Variants in RPA3 observed in about 807,000 individuals in gnomAD.
RPA3 encodes replication protein A 14 kDa subunit.
RPA3 carries 24 observed loss-of-function variants against 13.7 expected under a neutral mutation model. The observed-to-expected ratio is 1.75, with a 90% confidence interval of 1.27 to 2.46. The LOEUF is 2.46. RPA3 is among the 30% of genes most tolerant of loss of function. The pLI is 0.00. For missense variants in RPA3, 183 were observed against 151.0 expected, an observed-to-expected ratio of 1.21 and a Z score of -1.11; for synonymous variants, 59 against 51.2, an observed-to-expected ratio of 1.15 and a Z score of -0.65.
chr7:7,648,855 AAAAG>A (rs1257532129), intron 4 of RPA3, among the ~76,000 whole-genome samples: 2 of 150,998 alleles, frequency 1.3e-5, no homozygotes, highest in African/African-American at 4.9e-5. Context: ...CCTGTCTCAA[AAAAG>A]AAAGAAAGAA....
chr7:7,684,833 A>AT (rs1780002812), intron 4 of RPA3, among the ~76,000 whole-genome samples: 1 of 152,342 alleles, frequency 6.6e-6, no homozygotes, highest in South Asian at 2.1e-4. Context: ...CCATGTTTTA[A>AT]TACAACTATT....
intron 1 of RPA3, among the ~76,000 whole-genome samples, chr7:7,718,074 A>G (rs187197165): frequency 1.3e-4 from 20 of 152,348 alleles, no homozygotes; most frequent in African/African-American, 4.6e-4. Flanking sequence ...GTGATATACC[A>G]TTCACTTATT....
At chr7:7,647,419 A>G (rs1196056094) in intron 4 of RPA3, among the ~76,000 whole-genome samples, 1 of 152,104 alleles carries the variant, frequency 6.6e-6, no homozygotes, top group Non-Finnish European at 1.5e-5. Flanking sequence ...AACATGGACA[A>G]TTTTTCATGT....
chr7:7,688,113 T>C (rs1342576437), intron 2 of RPA3, among the ~76,000 whole-genome samples: 3 of 152,210 alleles, frequency 2.0e-5, no homozygotes, highest in African/African-American at 7.2e-5. Flanking sequence ...CTTCTGACAC[T>C]ACATGTAAAA....
intron 4 of RPA3, among the ~76,000 whole-genome samples, chr7:7,650,668 T>C (rs1400114860): frequency 6.6e-6 from 1 of 152,214 alleles, no homozygotes; most frequent in African/African-American, 2.4e-5. Flanking sequence ...TTTAAGCTGG[T>C]TAAAGTGGCA....
At position 7,640,742 on chromosome 7, in the gene RPA3, T is replaced by C. The variant is rs1563073421; in HGVS notation, c.-324A>G. The C allele has an allele frequency of 7.4e-6, 2 of 271,304 alleles. No homozygotes were observed. The highest frequency in any genetic ancestry group is 1.4e-5 in the Non-Finnish European group (2 of 140,502). The allele number at this position is 271,304 out of a possible 1,614,324, so 16.8% of individuals were successfully genotyped here. On this transcript the variant is annotated 5_prime_UTR_variant, in exon 5 of 8. Transcript: ENST00000223129. ...GACTACCTTTCTGCGATCACAGGAT[T>C]CCCGGCGGTGACTTGACCCCGGAAG... is the stretch of plus-strand genomic sequence containing the variant.
intron 2 of RPA3, among the ~76,000 whole-genome samples, chr7:7,688,456 T>C (rs1161909584): frequency 2.6e-5 from 4 of 152,192 alleles, no homozygotes; most frequent in African/African-American, 9.7e-5. Flanking sequence ...ATTATCCGAA[T>C]CCAAGGTGTT....
chr7:7,700,780 C>T (rs1048411147), intron 2 of RPA3, among the ~76,000 whole-genome samples: 1 of 151,922 alleles, frequency 6.6e-6, no homozygotes, highest in African/African-American at 2.4e-5. Context: ...CAAAGCTACT[C>T]GGGAGGCTGA....
intron 4 of RPA3, among the ~76,000 whole-genome samples, chr7:7,649,224 T>G (rs1251984330): frequency 6.6e-6 from 1 of 151,666 alleles, no homozygotes; most frequent in Non-Finnish European, 1.5e-5. Context: ...GTCTTATAGT[T>G]CTAGAGGCTT....
intron 4 of RPA3, among the ~76,000 whole-genome samples, chr7:7,650,897 C>G (rs1379636914): frequency 6.6e-6 from 1 of 152,194 alleles, no homozygotes; most frequent in African/African-American, 2.4e-5. Context: ...CTCCCCAACA[C>G]TTTATTATAA....
intron 2 of RPA3, among the ~76,000 whole-genome samples, chr7:7,704,769 A>AG (rs1780556472): frequency 7.0e-6 from 1 of 142,172 alleles, no homozygotes; most frequent in Non-Finnish European, 1.5e-5. Flanking sequence ...TCCATCTCAA[A>AG]AAAAAAAAAA....
At chr7:7,699,163 CA>C (rs1780394837) in intron 2 of RPA3, among the ~76,000 whole-genome samples, 1 of 151,996 alleles carries the variant, frequency 6.6e-6, no homozygotes, top group Non-Finnish European at 1.5e-5. Context: ...TGGGTTCCCC[CA>C]ACTCTCAAGG....
intron 4 of RPA3, among the ~76,000 whole-genome samples, chr7:7,650,867 C>T (rs1785209673): frequency 2.0e-5 from 3 of 152,144 alleles, no homozygotes; most frequent in Admixed American, 1.3e-4. Flanking sequence ...CATGGCTTAC[C>T]TTTACCTTTA....
chr7:7,654,323 T>A (rs1785293276), intron 4 of RPA3, among the ~76,000 whole-genome samples: 1 of 152,188 alleles, frequency 6.6e-6, no homozygotes, highest in South Asian at 2.1e-4. Flanking sequence ...GGAAATAGGA[T>A]CTGACAAGAG....
At chr7:7,640,226 G>T in intron 5 of RPA3, 94 bp downstream of exon 5, 2 of 1,319,982 alleles carry the variant, frequency 1.5e-6, no homozygotes, top group South Asian at 2.4e-5. Flanking sequence ...CGCAGTGATC[G>T]GAGGCTTTCC....
In RPA3 at chr7:7,702,943, G is replaced by A. The variant is rs182520336; in HGVS notation, c.-1028+12232C>T. On this transcript the variant is annotated intron_variant, in intron 2 of 7. Transcript: ENST00000223129. ...GGAAAATCATTTATTTTTCACTTGC[G>A]TCATTCTCCAGTCCTGTTGTCGTGT... Among the ~76,000 whole-genome samples, 104 of 152,262 alleles carry A rather than the reference G, an allele frequency of 6.8e-4. 1 individual carries two copies. Among genetic ancestry groups the A allele is most frequent in the African/African-American group, 2.4e-3 (101 of 41,552 alleles).
intron 1 of RPA3, among the ~76,000 whole-genome samples, chr7:7,717,161 A>C (rs1322713819): frequency 1.3e-5 from 2 of 148,536 alleles, no homozygotes; most frequent in Non-Finnish European, 3.0e-5. Flanking sequence ...GGTTCAAGCG[A>C]TTCTCTCACC....
At chr7:7,657,709 C>G (rs1785376423) in intron 4 of RPA3, among the ~76,000 whole-genome samples, 1 of 152,240 alleles carries the variant, frequency 6.6e-6, no homozygotes, top group Middle Eastern at 3.4e-3. Context: ...GTTTTGGTTA[C>G]TGTAGTCTTG....
rs541078119 is a variant in RPA3 at position 7,645,595 on chromosome 7, T to C, written c.-757-4420A>G. 7.2e-5 allele frequency among the ~76,000 whole-genome samples: 11 copies of C among 152,306 alleles called. No individual in the cohort carries two copies. In the East Asian group the frequency reaches 2.1e-3, roughly 29 times the overall value. On this transcript the variant is annotated intron_variant, in intron 4 of 7. Transcript: ENST00000223129. ...AGTCCTTCCCAACTTGAATTTCTGT[T>C]TATTAGATTAAGGAATTTTCCTTCT...
Sources: gnomAD v4.1 joint callset for allele counts (sites outside exome capture counted in the v4.1 genomes callset) on GRCh38, gnomAD v4.1.1 for gene constraint, MANE v1.5 for transcripts, NCBI Gene and HGNC (gene_info 2026-07-23, HGNC 2026-07-21) for gene names.